Variants in RAB9B observed in about 807,000 individuals in gnomAD.
RAB9B encodes RAB9B, member RAS oncogene family, also known as ras-related protein Rab-9B.
Under a neutral mutation model 8.9 loss-of-function variants are expected in RAB9B, and 1 was observed. The ratio of observed to expected loss-of-function variants is 0.11; its 90% CI spans 0.04 to 0.53. The LOEUF (loss-of-function observed/expected upper bound fraction) is 0.53, where lower values mean the gene tolerates loss of function less well. Ranked by LOEUF, RAB9B falls within the 20% of genes least tolerant of loss-of-function variation. RAB9B has a pLI of 0.93. For synonymous variants in RAB9B, 63 were observed against 57.0 expected (o/e 1.10, Z -0.47); for missense variants, 82 against 152.9 (o/e 0.54, Z 2.45).
the RAB9B span, chrX:103,786,933 A>G: frequency 2.2e-6 from 1 of 447,852 alleles, no homozygotes; most frequent in Non-Finnish European, 3.9e-6. Flanking sequence ...CCCTAAGCAA[A>G]TTTCTTCTCA....
chrX:103,828,169 C>A (rs1008114352), intron 1 of RAB9B, among the ~76,000 whole-genome samples: 3 of 111,512 alleles, frequency 2.7e-5, no homozygotes, highest in Non-Finnish European at 5.6e-5. Flanking sequence ...AAAAAATCTG[C>A]TGCTTAATAA....
chrX:103,818,877 G>A (rs1160886578), downstream of RAB9B, among the ~76,000 whole-genome samples: 1 of 110,711 alleles, frequency 9.0e-6, no homozygotes, highest in Non-Finnish European at 1.9e-5. Flanking sequence ...TTCTACGGTG[G>A]ATGTGTATGG....
In RAB9B at chrX:103,824,107, G is replaced by A. The variant is rs1244636439; in HGVS notation, c.*1072C>T. 2.7e-5 allele frequency: 3 copies of A among 112,256 alleles called. No individual in the cohort carries two copies. The allele number at this position is 112,256 out of a possible 1,213,427, so 9.3% of individuals were successfully genotyped here. ...TCCACTGTTGGACAACTCTGTTTAT[G>A]GGAAATTCATTCTAACACTGGGTTA... On this transcript the variant is annotated 3_prime_UTR_variant, in exon 3 of 3. Coordinates refer to ENST00000243298, the MANE Select transcript of RAB9B (RefSeq NM_016370.4).
chrX:103,817,657 C>T (rs10521503), downstream of RAB9B, among the ~76,000 whole-genome samples: 11,017 of 109,643 alleles, frequency 0.1, 480 homozygotes, highest in Middle Eastern at 0.28. Context: ...TGGCGGAACA[C>T]TAACCGGTCT....
the RAB9B span, chrX:103,791,225 G>A: frequency 1.4e-4 from 16 of 116,089 alleles, no homozygotes; most frequent in East Asian, 3.5e-3. Flanking sequence ...ATGGACTACT[G>A]AAGCCCTAAC....
chrX:103,786,233 G>A, the RAB9B span: 149 of 1,141,452 alleles, frequency 1.3e-4, no homozygotes, highest in Non-Finnish European at 1.7e-4. Context: ...AGGTCCCAGG[G>A]TAAGCAAGGT....
the RAB9B span, among the ~76,000 whole-genome samples, chrX:103,806,651 A>G: frequency 4.5e-5 from 5 of 111,549 alleles, no homozygotes; most frequent in African/African-American, 1.6e-4. Context: ...TTAGTTGTTT[A>G]GTTGCCTAGT....
chrX:103,819,685 T>G (rs930613039), downstream of RAB9B, among the ~76,000 whole-genome samples: 1 of 112,105 alleles, frequency 8.9e-6, no homozygotes, highest in Non-Finnish European at 1.9e-5. Flanking sequence ...ATTTAATAAT[T>G]TTTCCTTTAT....
chrX:103,816,401 C>A, the RAB9B span, among the ~76,000 whole-genome samples: 59 of 111,610 alleles, frequency 5.3e-4, no homozygotes, highest in Non-Finnish European at 9.8e-4. Flanking sequence ...AAACTAGACC[C>A]CTTCCTTACA....
At chrX:103,831,183 T>C (rs1383446903) in intron 1 of RAB9B, among the ~76,000 whole-genome samples, 4 of 110,731 alleles carry the variant, frequency 3.6e-5, no homozygotes, top group African/African-American at 1.3e-4. Flanking sequence ...TGGGCGCGGC[T>C]ATATTTATGT....
the RAB9B span, among the ~76,000 whole-genome samples, chrX:103,798,629 C>A: frequency 9.1e-6 from 1 of 109,631 alleles, no homozygotes; most frequent in Non-Finnish European, 1.9e-5. Context: ...CATTTAGTGG[C>A]CCTTGCAAAC....
chrX:103,821,153 C>T (rs181094253), downstream of RAB9B, among the ~76,000 whole-genome samples: 13 of 109,454 alleles, frequency 1.2e-4, no homozygotes, highest in East Asian at 1.7e-3. Context: ...GGCAAAAGAG[C>T]GAGACCCTGT....
At chrX:103,817,557 A>G (rs2074644152), downstream of RAB9B, among the ~76,000 whole-genome samples, 1 of 109,903 alleles carries the variant, frequency 9.1e-6, no homozygotes, top group African/African-American at 3.3e-5. Context: ...CTGCACATGT[A>G]ACCCAGAAAT....
the RAB9B span, chrX:103,789,321 A>G: frequency 3.4e-6 from 4 of 1,189,650 alleles, no homozygotes; most frequent in Non-Finnish European, 4.6e-6. Context: ...TTCCTCTTTC[A>G]TTTTCCTGCA....
the RAB9B span, chrX:103,785,865 C>A: frequency 2.4e-6 from 2 of 842,567 alleles, no homozygotes; most frequent in Non-Finnish European, 3.6e-6. Flanking sequence ...TAGCAGGGGA[C>A]TGGGGTGGAG....
chrX:103,804,291 A>G, the RAB9B span, among the ~76,000 whole-genome samples: 8 of 112,273 alleles, frequency 7.1e-5, 1 homozygote, highest in African/African-American at 2.6e-4. Context: ...AGTCTTTTTG[A>G]AAATAGATTC....
the RAB9B span, chrX:103,781,256 T>C: frequency 2.8e-5 from 9 of 317,023 alleles, no homozygotes; most frequent in African/African-American, 2.4e-4. Context: ...TGGTGCCTGC[T>C]TAAAGAGACA....
the RAB9B span, among the ~76,000 whole-genome samples, chrX:103,813,347 C>T: frequency 1.8e-5 from 2 of 111,118 alleles, no homozygotes; most frequent in South Asian, 3.8e-4. Context: ...TGGACTCAAC[C>T]TTCCTTTTTT....
At chrX:103,821,429 A>G (rs769013700), downstream of RAB9B, among the ~76,000 whole-genome samples, 4 of 111,153 alleles carry the variant, frequency 3.6e-5, no homozygotes, top group South Asian at 1.5e-3. Flanking sequence ...GCAACAGGCA[A>G]AAGTAGACAG....
Sources: allele counts gnomAD v4.1 joint callset (sites outside exome capture counted in the v4.1 genomes callset), GRCh38; gene constraint gnomAD v4.1.1; transcripts MANE v1.5; gene names NCBI Gene and HGNC (gene_info 2026-07-23, HGNC 2026-07-21).